OTOF: variants seen among roughly 807,000 people sequenced by gnomAD.
OTOF encodes fer-1-like family member 2.
In OTOF, 218 loss-of-function variants were observed where a neutral mutation model predicts 236.8. That is an observed-to-expected ratio of 0.92 (90% confidence interval 0.82 to 1.03). The LOEUF is 1.03. Ranked by LOEUF, OTOF falls within the 50% of genes least tolerant of loss-of-function variation. The pLI, the probability that OTOF is intolerant of heterozygous loss-of-function variation, is 0.00. For synonymous variants in OTOF, 1,041 were observed against 1,072.5 expected, an observed-to-expected ratio of 0.97 and a Z score of 0.57; for missense variants, 2,590 against 2,694.4, an observed-to-expected ratio of 0.96 and a Z score of 0.86.
Position 26,519,071 on chromosome 2 carries a change from A to T in OTOF, c.266T>A (p.Val89Glu), listed in dbSNP as rs766934718. 2.5e-6 allele frequency: 4 copies of T among 1,608,684 alleles called. No individual in the cohort carries two copies. The highest frequency in any genetic ancestry group is 3.4e-6 in the Non-Finnish European group (4 of 1,176,894). ...AGTCACCTCCACATGGCTCTCCTCTACCACCTTCTGCAGCACCATGCGGAA... is the reference window on the plus strand; with the variant it reads ...AGTCACCTCCACATGGCTCTCCTCTTCCACCTTCTGCAGCACCATGCGGAA... ...GTFRMVLQKV[V>E]EESHVEVTDT... The change falls in exon 4 of 47, where the codon GTA (valine) becomes GAA (glutamate). Residue 89 changes from valine to glutamate, a missense_variant. By Grantham distance (121) the Val-to-Glu change is moderately radical (BLOSUM62 -2). Coordinates refer to ENST00000272371, the MANE Select transcript of OTOF (RefSeq NM_194248.3).
rs1237195501 is a variant in OTOF at position 26,461,606 on chromosome 2, C to G, written c.5533+90G>C. The G allele has an allele frequency of 1.9e-6, 3 of 1,564,762 alleles. No individual in the cohort carries two copies. The highest frequency in any genetic ancestry group is 2.6e-6 in the Non-Finnish European group (3 of 1,148,498). ...TGGAAGCAATGACCCCTTGTCCCCC[C>G]AAGGCAGGGCTCTCCCTGTCCCCGC... On this transcript the variant is annotated intron_variant, in intron 43 of 46. Transcript: ENST00000272371. This position sits in a 1 kb window ranked among gnomAD's most constrained non-coding sequence, Gnocchi z 6.2.
chr2:26,534,387 C>T (rs1667017391), intron 2 of OTOF, among the ~76,000 whole-genome samples: 1 of 152,190 alleles, frequency 6.6e-6, no homozygotes, highest in Admixed American at 6.5e-5. Context: ...TCTGTCTCTC[C>T]CTAGCTTTTC....
At chr2:26,478,099 A>G (rs1395559066) in intron 18 of OTOF, 2 of 1,318,460 alleles carry the variant, frequency 1.5e-6, no homozygotes, top group South Asian at 1.8e-5. Context: ...GGATGTGCCA[A>G]GATCCTGACG....
In OTOF at chr2:26,482,512, G is replaced by A. The variant is rs1572438026; in HGVS notation, c.1473C>T (p.Leu491=). 6.2e-7 allele frequency: 1 copy of A among 1,613,414 alleles called. No homozygotes were observed. Among genetic ancestry groups the A allele is most frequent in the South Asian group, 1.1e-5 (1 of 91,088 alleles). Reference sequence around the variant, plus strand: ...GGATCTGCACCTTCATGCGTTTGCAGAGTGGGGGGAAGAGGTCTGTAAAGA... The same window carrying A: ...GGATCTGCACCTTCATGCGTTTGCAAAGTGGGGGGAAGAGGTCTGTAAAGA... The part of the protein sequence containing the change: ...QVVFTDLFPP[L]CKRMKVQIRD... Residue 491 remains leucine, a synonymous_variant, in exon 14 of 47, where the codon CTC becomes CTT. Transcript: ENST00000272371.
chr2:26,537,643 C>A (rs1667105036), intron 2 of OTOF, 73 bp downstream of exon 2: 1 of 1,185,188 alleles, frequency 8.4e-7, no homozygotes, highest in Non-Finnish European at 1.2e-6. Context: ...TGTGTGCCCG[C>A]AAGAGGCAGC....
intron 2 of OTOF, 60 bp from the exon 3 acceptor site, chr2:26,527,980 T>G: frequency 8.2e-7 from 1 of 1,216,688 alleles, no homozygotes; most frequent in South Asian, 1.2e-5. Context: ...CCGTGGGGTG[T>G]GGGAGGGGAA....
At chr2:26,556,666 T>C (rs1333773693) in intron 1 of OTOF, among the ~76,000 whole-genome samples, 1 of 152,122 alleles carries the variant, frequency 6.6e-6, no homozygotes, top group African/African-American at 2.4e-5. Context: ...CAGGAGCAGA[T>C]AAAGAGCTTG....
At chr2:26,491,039 T>C (rs781709462) in intron 9 of OTOF, among the ~76,000 whole-genome samples, 15 of 151,296 alleles carry the variant, frequency 9.9e-5, no homozygotes, top group African/African-American at 2.7e-4. Context: ...GGGGAGAGCA[T>C]GGGAGGGGAA....
chr2:26,510,588 G>A lies in OTOF; in HGVS notation c.509+5830C>T, dbSNP rs137863258. On this transcript the variant is annotated intron_variant, in intron 5 of 46. Transcript: ENST00000272371. Reference sequence around the variant, plus strand: ...CCATGACCCGTGCCAGCTCTACCACGACAGCCCACTCCTGAGCCCTCTCAG... The same window carrying A: ...CCATGACCCGTGCCAGCTCTACCACAACAGCCCACTCCTGAGCCCTCTCAG... 32 of 548,926 alleles carry A rather than the reference G, an allele frequency of 5.8e-5. No homozygotes were observed. The Middle Eastern group carries it at 1.8e-3, about 31-fold the overall frequency. The allele number at this position is 548,926 out of a possible 1,614,324, so 34.0% of individuals were successfully genotyped here.
intron 5 of OTOF, among the ~76,000 whole-genome samples, chr2:26,505,214 A>C (rs890099325): frequency 6.6e-6 from 1 of 152,208 alleles, no homozygotes; most frequent in African/African-American, 2.4e-5. Flanking sequence ...GCAGCAGCTC[A>C]CAATTTAGGG....
At position 26,524,089 on chromosome 2, in the gene OTOF, C is replaced by G. The variant is rs114819244; in HGVS notation, c.227+3743G>C. ...CAAAGAAATGCCAGAACCTCTCCCA[C>G]CAGGCCTGGGCCTCCCCTTGTGGGG... On this transcript the variant is annotated intron_variant, in intron 3 of 46. Coordinates refer to ENST00000272371, the MANE Select transcript of OTOF (RefSeq NM_194248.3). Among the ~76,000 whole-genome samples the G allele has an allele frequency of 4.2e-3, 640 of 152,400 alleles. 9 individuals carry two copies. The highest frequency in any genetic ancestry group is 0.031 in the South Asian group (150 of 4,834).
intron 12 of OTOF, 89 bp downstream of exon 12, chr2:26,484,385 C>A: frequency 7.3e-7 from 1 of 1,368,062 alleles, no homozygotes; most frequent in Non-Finnish European, 1.0e-6. Context: ...AGACGGGTGG[C>A]AGGTGCTCTC....
intron 46 of OTOF, among the ~76,000 whole-genome samples, chr2:26,458,608 C>T (rs1664302435): frequency 6.6e-6 from 1 of 152,094 alleles, no homozygotes; most frequent in East Asian, 1.9e-4. Context: ...AATGGCTGTT[C>T]CCACCGGGCC....
chr2:26,501,735 C>T lies in OTOF; in HGVS notation c.765+19G>A. On this transcript the variant is annotated intron_variant, in intron 8 of 46. Coordinates refer to ENST00000272371, the MANE Select transcript of OTOF (RefSeq NM_194248.3). ...AGAGCAGAGTCTGAAAGACATGAGG[C>T]CTCCAGGTGCCCACCTACCTGGTAA... 1 of 1,584,536 alleles carries T rather than the reference C, an allele frequency of 6.3e-7. No individual in the cohort carries two copies. Among genetic ancestry groups the T allele is most frequent in the Non-Finnish European group, 8.7e-7 (1 of 1,152,962 alleles).
At chr2:26,469,398 T>C (rs1406975559) in intron 32 of OTOF, among the ~76,000 whole-genome samples, 1 of 152,238 alleles carries the variant, frequency 6.6e-6, no homozygotes, top group Non-Finnish European at 1.5e-5. Context: ...TTGTCCTCAA[T>C]GATCTGTTCT....
chr2:26,477,725 C>T lies in OTOF; in HGVS notation c.2239G>A (p.Glu747Lys), dbSNP rs397515591. Residue 747 changes from glutamate (E) to lysine (K), a missense_variant, in exon 19 of 47, where the codon GAG (glutamate) becomes AAG (lysine). Coordinates refer to ENST00000272371, the MANE Select transcript of OTOF (RefSeq NM_194248.3). This position sits in a 1 kb window ranked among gnomAD's most constrained non-coding sequence, Gnocchi z 4.7. ...TAGGACTTCTCCGTTTTGATCATCT[C>T]CTGTATGTCGTTCAGGCCTTCTTCC... Reference protein sequence around the residue: ...KLEEGLNDIQEMIKTEKSYPE... With the variant: ...KLEEGLNDIQKMIKTEKSYPE... The T allele has an allele frequency of 6.2e-7, 1 of 1,612,632 alleles. No individual in the cohort carries two copies. Among genetic ancestry groups the T allele is most frequent in the African/African-American group, 1.3e-5 (1 of 74,928 alleles).
intron 15 of OTOF, 82 bp downstream of exon 15, chr2:26,480,704 C>A (rs559906206): frequency 3.3e-6 from 4 of 1,214,732 alleles, no homozygotes; most frequent in African/African-American, 1.5e-5. Flanking sequence ...CAGCAACAGG[C>A]AAAGCCTGGG....
intron 15 of OTOF, 82 bp from the exon 16 acceptor site, chr2:26,480,393 C>T (rs2148056393): frequency 1.1e-6 from 1 of 877,426 alleles, no homozygotes; most frequent in Admixed American, 1.8e-5. Flanking sequence ...GTCTCACAGA[C>T]AGGCCGTGGG....
intron 1 of OTOF, among the ~76,000 whole-genome samples, chr2:26,539,166 C>G (rs1201177889): frequency 6.6e-6 from 1 of 151,954 alleles, no homozygotes; most frequent in African/African-American, 2.4e-5. Flanking sequence ...GCACAAGAAA[C>G]AGTAATGGTA....
Sources: allele counts gnomAD v4.1 joint callset (sites outside exome capture counted in the v4.1 genomes callset), GRCh38; gene constraint gnomAD v4.1.1; non-coding constraint Gnocchi (gnomAD v3.1); transcripts MANE v1.5; gene names NCBI Gene and HGNC (gene_info 2026-07-23, HGNC 2026-07-21).